BEND2: variants seen among roughly 807,000 people sequenced by gnomAD.
The protein encoded by BEND2 is BEN domain-containing protein 2.
A neutral mutation model predicts 43.8 loss-of-function variants in BEND2; 19 were observed. That is an observed-to-expected ratio of 0.43 (90% confidence interval 0.30 to 0.64). The LOEUF is 0.64. BEND2 is among the 30% of genes least tolerant of loss of function. BEND2 has a pLI of 0.11. For missense variants in BEND2, 544 were observed against 574.0 expected, an observed-to-expected ratio of 0.95 and a Z score of 0.53; for synonymous variants, 226 against 210.1, an observed-to-expected ratio of 1.08 and a Z score of -0.66.
intron 8 of BEND2, among the ~76,000 whole-genome samples, chrX:18,185,455 C>T (rs368220528): frequency 9.2e-6 from 1 of 108,364 alleles, no homozygotes; most frequent in Non-Finnish European, 1.9e-5. Context: ...CACTTGAACC[C>T]GGGAGGTGGA....
intron 7 of BEND2, among the ~76,000 whole-genome samples, chrX:18,193,153 C>A (rs778680738): frequency 9.1e-6 from 1 of 109,921 alleles, no homozygotes; most frequent in Non-Finnish European, 1.9e-5. Context: ...CCCATCTCTA[C>A]CAAAAAATAC....
At chrX:18,216,104 T>C (rs926215233) in intron 2 of BEND2, among the ~76,000 whole-genome samples, 18 of 111,626 alleles carry the variant, frequency 1.6e-4, no homozygotes, top group Non-Finnish European at 2.8e-4. Context: ...TAATCACTTA[T>C]GACTTCCAGG....
intron 8 of BEND2, among the ~76,000 whole-genome samples, chrX:18,182,022 A>G (rs1490260252): frequency 8.9e-6 from 1 of 112,180 alleles, no homozygotes; most frequent in Admixed American, 9.5e-5. Flanking sequence ...AGACCCAACT[A>G]TATGCTCTTT....
chrX:18,182,324 T>A, intron 8 of BEND2, among the ~76,000 whole-genome samples: 1 of 111,277 alleles, frequency 9.0e-6, no homozygotes, highest in Admixed American at 9.6e-5. Flanking sequence ...CCTTCTGCCA[T>A]GACTTTAAGT....
At chrX:18,173,650 T>C (rs1202644313) in intron 12 of BEND2, among the ~76,000 whole-genome samples, 1 of 111,118 alleles carries the variant, frequency 9.0e-6, no homozygotes, top group Non-Finnish European at 1.9e-5. Flanking sequence ...TTCTGAGAGA[T>C]GAGATTCACG....
In BEND2 at chrX:18,174,041, C is replaced by A; in HGVS notation, c.1970G>T (p.Gly657Val). The change falls in exon 12 of 14, where the codon GGT becomes GTT. Residue 657 changes from glycine (G) to valine (V), a missense_variant. Gly to Val is a moderately radical substitution (Grantham distance 109, BLOSUM62 -3). Coordinates refer to ENST00000380033, the MANE Select transcript of BEND2 (RefSeq NM_153346.5). ...EPSTDNPEEP[G>V]EAWSYFGRPW... ...TTAAAAAAACTCACTCCATGCTTCA[C>A]CAGGTTCCTCTGGATTATCAGTGGA... 1 of 1,206,760 alleles carries A rather than the reference C, an allele frequency of 8.3e-7. No homozygotes were observed. The highest frequency in any genetic ancestry group is 3.0e-5 in the East Asian group (1 of 33,802).
Position 18,209,254 on chromosome X carries a change from A to G in BEND2, c.492+3311T>C, listed in dbSNP as rs185186855. On this transcript the variant is annotated intron_variant, in intron 4 of 13. Coordinates refer to ENST00000380033, the MANE Select transcript of BEND2 (RefSeq NM_153346.5). ...CCCTTGCAAATGCATTCCAATTAAT[A>G]AATCCAGAAGGAATGAGGGAGACAG... Among the ~76,000 whole-genome samples, 106 of 112,096 alleles carry G rather than the reference A, an allele frequency of 9.5e-4. No homozygotes were observed. The East Asian group carries it at 0.016, about 17-fold the overall frequency.
At position 18,177,699 on chromosome X, in the gene BEND2, G is replaced by A. The variant is rs757646387; in HGVS notation, c.1500C>T (p.Ala500=). The change falls in exon 10 of 14, where the codon GCC becomes GCT. Residue 500 remains alanine (A), a synonymous_variant. Transcript: ENST00000380033. ...AGTAGCAGGCTGCTTGCTTAGGTTT[G>A]GCCATATTTTGTACGGCCAGCAAAT... ...KIHLLAVQNM[A]KPKQAACYLV... 7.4e-6 allele frequency: 9 copies of A among 1,208,519 alleles called. No individual in the cohort carries two copies. The highest frequency in any genetic ancestry group is 7.8e-6 in the Non-Finnish European group (7 of 894,541).
chrX:18,190,766 T>TCTCACACACA (rs1439593746), intron 8 of BEND2, among the ~76,000 whole-genome samples: 91 of 93,011 alleles, frequency 9.8e-4, no homozygotes, highest in Middle Eastern at 6.0e-3. Context: ...TCTCTCTCTC[T>TCTCACACACA]CACACACACA....
chrX:18,190,976 G>A, intron 8 of BEND2, 25 bp downstream of exon 8: 2 of 1,147,902 alleles, frequency 1.7e-6, no homozygotes. Flanking sequence ...AGTGCTACTT[G>A]TAACATATAT....
chrX:18,215,974 G>A (rs1386236646), intron 2 of BEND2, among the ~76,000 whole-genome samples: 1 of 111,974 alleles, frequency 8.9e-6, no homozygotes, highest in Non-Finnish European at 1.9e-5. Context: ...CTGGTTGCAG[G>A]ACTCCACTTT....
At chrX:18,193,768 G>A (rs774857694) in intron 7 of BEND2, among the ~76,000 whole-genome samples, 27 of 111,686 alleles carry the variant, frequency 2.4e-4, no homozygotes, top group Non-Finnish European at 4.7e-4. Flanking sequence ...CACCAAACTT[G>A]GGAGGAATGG....
At chrX:18,175,323 T>A (rs927320190) in intron 11 of BEND2, among the ~76,000 whole-genome samples, 4 of 111,487 alleles carry the variant, frequency 3.6e-5, no homozygotes, top group Admixed American at 1.9e-4. Context: ...AGGGGGTTGG[T>A]GGAAATTAGG....
At chrX:18,176,788 A>G (rs1924175954) in intron 10 of BEND2, among the ~76,000 whole-genome samples, 1 of 111,471 alleles carries the variant, frequency 9.0e-6, no homozygotes, top group African/African-American at 3.3e-5. Context: ...TATCAAGAGA[A>G]AATAGTGTTA....
intron 7 of BEND2, among the ~76,000 whole-genome samples, chrX:18,191,361 C>T (rs1268148675): frequency 8.9e-6 from 1 of 111,937 alleles, no homozygotes; most frequent in Admixed American, 9.5e-5. Context: ...GAAGAAAGAA[C>T]AACAGAAAGA....
At chrX:18,206,127 A>G (rs1257255817) in intron 4 of BEND2, among the ~76,000 whole-genome samples, 1 of 111,648 alleles carries the variant, frequency 9.0e-6, no homozygotes, top group Non-Finnish European at 1.9e-5. Context: ...TAACAACACT[A>G]CACTATGCCC....
At chrX:18,174,353 G>A in intron 11 of BEND2, 95 bp from the exon 12 acceptor site, 4 of 740,267 alleles carry the variant, frequency 5.4e-6, no homozygotes, top group Non-Finnish European at 8.0e-6. Context: ...GGTTGCTAGG[G>A]AAGCAACTGA....
In BEND2 at chrX:18,176,088, G is replaced by C. The variant is rs771177733; in HGVS notation, c.1636C>G (p.Leu546Val). ...PNKMAALREY[L>V]ATTFPTCDLH... ...TCACAGGTGGGAAAAGTTGTTGCCA[G>C]ATATTCTGCAAACAGCAGAAAGTAT... The change falls in exon 11 of 14, where the codon CTG becomes GTG. Residue 546 changes from leucine to valine, a missense_variant. By Grantham distance (32) the Leu-to-Val change is conservative. Transcript: ENST00000380033. 3 of 1,185,147 alleles carry C rather than the reference G, an allele frequency of 2.5e-6. No individual in the cohort carries two copies. In the African/African-American group the frequency reaches 5.4e-5, roughly 21 times the overall value.
At chrX:18,189,443 C>T (rs1160433908) in intron 8 of BEND2, among the ~76,000 whole-genome samples, 1 of 110,113 alleles carries the variant, frequency 9.1e-6, no homozygotes, top group African/African-American at 3.3e-5. Flanking sequence ...CTGAGGGGGT[C>T]GAGGCAGCAG....
Sources: gnomAD v4.1 joint callset for allele counts (sites outside exome capture counted in the v4.1 genomes callset) on GRCh38, gnomAD v4.1.1 for gene constraint, MANE v1.5 for transcripts, NCBI Gene and HGNC (gene_info 2026-07-23, HGNC 2026-07-21) for gene names.